Variants in SEPTIN9 observed in about 807,000 individuals in gnomAD.
SEPTIN9 encodes septin-9.
SEPTIN9 carries 13 observed loss-of-function variants against 56.6 expected under a neutral mutation model. The observed-to-expected ratio is 0.23, with a 90% CI of 0.15 to 0.37. The LOEUF (loss-of-function observed/expected upper bound fraction) is 0.37. Ranked by LOEUF, SEPTIN9 falls within the 10% of genes least tolerant of loss-of-function variation. The probability of loss-of-function intolerance (pLI) is 1.00; values close to 1 mark genes in which losing one functional copy is unlikely to be tolerated. For synonymous variants in SEPTIN9, 332 were observed against 334.1 expected, an observed-to-expected ratio of 0.99 and a Z score of 0.07; for missense variants, 650 against 823.1, an observed-to-expected ratio of 0.79 and a Z score of 2.57.
In SEPTIN9 at chr17:77,371,960, A is replaced by C. The variant is rs2034732112; in HGVS notation, c.77-30099A>C. On this transcript the variant is annotated intron_variant, in intron 2 of 11. Transcript: ENST00000427177. This position sits in a 1 kb window ranked among gnomAD's most constrained non-coding sequence, Gnocchi z 4.1. ...GACCCCCTGCCCCCCGCCTCTCCAG[A>C]ATGGCTGGAGAGTCTCAGCACTCCT... 6.6e-6 allele frequency among the ~76,000 whole-genome samples: 1 copy of C among 152,148 alleles called. No homozygotes were observed. Among genetic ancestry groups the C allele is most frequent in the Non-Finnish European group, 1.5e-5 (1 of 68,018 alleles).
chr17:77,376,492 T>A, intron 2 of SEPTIN9: 1 of 768,306 alleles, frequency 1.3e-6, no homozygotes, highest in Non-Finnish European at 1.6e-6. Flanking sequence ...TGGGTGCCTG[T>A]CACCATGTGG....
intron 3 of SEPTIN9, among the ~76,000 whole-genome samples, chr17:77,464,888 CG>C (rs1568091479): frequency 6.6e-6 from 1 of 152,138 alleles, no homozygotes; most frequent in Admixed American, 6.5e-5. Flanking sequence ...CCACTGCGCC[CG>C]GCTGACACAG....
At chr17:77,305,655 T>C (rs1391732468) in intron 1 of SEPTIN9, among the ~76,000 whole-genome samples, 3 of 151,702 alleles carry the variant, frequency 2.0e-5, no homozygotes. Flanking sequence ...TTAGTAGAGA[T>C]GGGTACCCTG....
At chr17:77,406,209 C>T (rs2036064467) in intron 3 of SEPTIN9, among the ~76,000 whole-genome samples, 1 of 152,220 alleles carries the variant, frequency 6.6e-6, no homozygotes. Context: ...GGTTGATTCA[C>T]TCTCCTGCTC....
Position 77,488,299 on chromosome 17 carries a change from G to T in SEPTIN9, c.1102G>T (p.Asp368Tyr). 1 of 1,613,714 alleles carries T rather than the reference G, an allele frequency of 6.2e-7. No homozygotes were observed. The highest frequency in any genetic ancestry group is 1.1e-5 in the South Asian group (1 of 91,088). The change falls in exon 6 of 12, where the codon GAC (aspartate) becomes TAC (tyrosine). Residue 368 changes from aspartate to tyrosine, a missense_variant. Transcript: ENST00000427177. ...AGTGATTGACACACCAGGGTTCGGG[G>T]ACCACATCAACAACGAGAACTGGTG... is the stretch of plus-strand genomic sequence containing the variant. The part of the protein sequence containing the change: ...LTVIDTPGFG[D>Y]HINNENCWQP...
chr17:77,393,303 A>G lies in SEPTIN9; in HGVS notation c.77-8756A>G, dbSNP rs559430413. 9.5e-4 allele frequency among the ~76,000 whole-genome samples: 145 copies of G among 152,240 alleles called. 1 individual carries two copies. The highest frequency in any genetic ancestry group is 1.6e-3 in the Non-Finnish European group (106 of 67,998). ...GTTGGGTAAGGGAGCTGGGGTTTTT[A>G]TACTTCAGTTCTTGGCCAAGGACTG... On this transcript the variant is annotated intron_variant, in intron 2 of 11. Transcript: ENST00000427177.
chr17:77,343,454 T>A (rs2143769210), intron 2 of SEPTIN9, among the ~76,000 whole-genome samples: 1 of 152,350 alleles, frequency 6.6e-6, no homozygotes, highest in African/African-American at 2.4e-5. Context: ...TCTCTTCCAG[T>A]TGGCTGTTCA....
intron 2 of SEPTIN9, among the ~76,000 whole-genome samples, chr17:77,395,984 G>A (rs949497661): frequency 3.9e-5 from 6 of 152,168 alleles, no homozygotes; most frequent in African/African-American, 1.2e-4. Context: ...GCACATGAAC[G>A]GTCTTCAGGC....
Position 77,423,223 on chromosome 17 carries a change from A to G in SEPTIN9, c.721+20520A>G, listed in dbSNP as rs1458256366. Among the ~76,000 whole-genome samples, 3 of 152,082 alleles carry G rather than the reference A, an allele frequency of 2.0e-5. No individual in the cohort carries two copies. The East Asian group carries it at 5.8e-4, about 29-fold the overall frequency. ...GCTAATTTTTGTATTTTTAGTAGAG[A>G]TGGAGTTTCACCATGTTGGCCAGGC... On this transcript the variant is annotated intron_variant, in intron 3 of 11. Transcript: ENST00000427177.
intron 3 of SEPTIN9, chr17:77,471,112 T>C (rs1286991076): frequency 3.3e-5 from 5 of 152,312 alleles, no homozygotes; most frequent in African/African-American, 1.2e-4. Context: ...GCTGCATGGA[T>C]TGGGGGCACC....
At chr17:77,413,515 G>T (rs1345305033) in intron 3 of SEPTIN9, among the ~76,000 whole-genome samples, 3 of 152,218 alleles carry the variant, frequency 2.0e-5, no homozygotes, top group Non-Finnish European at 4.4e-5. Context: ...CGATCGATCA[G>T]TCGGTGTGCA....
chr17:77,299,859 A>C (rs1245346841), intron 1 of SEPTIN9, among the ~76,000 whole-genome samples: 1 of 115,810 alleles, frequency 8.6e-6, no homozygotes, highest in Non-Finnish European at 2.0e-5. Flanking sequence ...TGCCGTCAAG[A>C]GAGGGGCTGG....
At chr17:77,368,308 T>G (rs2034629266) in intron 2 of SEPTIN9, among the ~76,000 whole-genome samples, 2 of 146,620 alleles carry the variant, frequency 1.4e-5, no homozygotes. Flanking sequence ...TTGTCTTTTT[T>G]GTTTTTGTTT....
rs567257961 is a variant in SEPTIN9, at chr17:77,382,966, G to A, written c.77-19093G>A. Among the ~76,000 whole-genome samples, 10 of 152,232 alleles carry A rather than the reference G, an allele frequency of 6.6e-5. No homozygotes were observed. The South Asian group carries it at 2.1e-3, about 32-fold the overall frequency. On this transcript the variant is annotated intron_variant, in intron 2 of 11. Transcript: ENST00000427177. ...CAGCTGGGGTAGGGGGCACAGAACG[G>A]AGACCCTGGTGAGGGAGGAACTCTT...
rs1433621259 is a variant in SEPTIN9, at chr17:77,319,949, G to T, written c.76+12752G>T. The T allele has an allele frequency of 4.2e-5, 49 of 1,166,650 alleles. No individual in the cohort carries two copies. The highest frequency in any genetic ancestry group is 5.0e-5 in the Non-Finnish European group (47 of 941,734). 72.3% of individuals were successfully genotyped at this position (1,166,650 alleles called of 1,614,324 possible). ...TCGGGACCTCTGCAGCCACCGACCA[G>T]ACCGGGCGGCCGGGACTCTGGGACT... On this transcript the variant is annotated intron_variant, in intron 2 of 11. Coordinates refer to ENST00000427177, the MANE Select transcript of SEPTIN9 (RefSeq NM_001113491.2). This position sits in a 1 kb window ranked among gnomAD's most constrained non-coding sequence, Gnocchi z 5.3.
At chr17:77,360,915 CTTTTTTTTTTTT>C (rs34718935) in intron 2 of SEPTIN9, among the ~76,000 whole-genome samples, 1 of 76,798 alleles carries the variant, frequency 1.3e-5, no homozygotes, top group Non-Finnish European at 2.3e-5. Context: ...GTCTTTCATC[CTTTTTTTTTTTT>C]TTTTTTTTTT....
rs1233573736 is a variant in SEPTIN9, at chr17:77,390,348, A to C, written c.77-11711A>C. Among the ~76,000 whole-genome samples, 596 of 82,870 alleles carry C rather than the reference A, an allele frequency of 7.2e-3. 4 individuals carry two copies. The highest frequency in any genetic ancestry group is 0.025 in the African/African-American group (568 of 22,822). The allele number at this position is 82,870 out of a possible 152,430, so 54.4% of individuals were successfully genotyped here. ...GGCGACAGAGCAAGACTCCGTCTTA[A>C]AAAAAAAAAAAAAAAAAAGGAGTAG... On this transcript the variant is annotated intron_variant, in intron 2 of 11. Coordinates refer to ENST00000427177, the MANE Select transcript of SEPTIN9 (RefSeq NM_001113491.2).
intron 3 of SEPTIN9, among the ~76,000 whole-genome samples, chr17:77,480,289 G>C (rs932274244): frequency 1.3e-5 from 2 of 152,220 alleles, no homozygotes; most frequent in Non-Finnish European, 2.9e-5. Context: ...CCAGCCCCCA[G>C]TTTCTGGCTT....
At position 77,437,632 on chromosome 17, in the gene SEPTIN9, C is replaced by T. The variant is rs1401876800; in HGVS notation, c.721+34929C>T. 6.6e-6 allele frequency among the ~76,000 whole-genome samples: 1 copy of T among 152,018 alleles called. No individual in the cohort carries two copies. Among genetic ancestry groups the T allele is most frequent in the East Asian group, 1.9e-4 (1 of 5,176 alleles). On this transcript the variant is annotated intron_variant, in intron 3 of 11. Coordinates refer to ENST00000427177, the MANE Select transcript of SEPTIN9 (RefSeq NM_001113491.2). The surrounding 1 kb of genome is among the most constrained non-coding windows in gnomAD (Gnocchi z 5.3). ...GTGGGGAGACCTCAGAGGGGCCTGC[C>T]GTCACCATCGCCAGTGGCCCTGGCC...
Sources: gnomAD v4.1 joint callset for allele counts (sites outside exome capture counted in the v4.1 genomes callset) on GRCh38, gnomAD v4.1.1 for gene constraint, Gnocchi (gnomAD v3.1) non-coding constraint, MANE v1.5 for transcripts, NCBI Gene and HGNC (gene_info 2026-07-23, HGNC 2026-07-21) for gene names.